PRKN: variants seen among roughly 807,000 people sequenced by gnomAD.
PRKN encodes the protein parkin RBR E3 ubiquitin protein ligase, also known as E3 ubiquitin-protein ligase parkin.
In PRKN, 56 loss-of-function variants were observed where a neutral mutation model predicts 59.5. That is an observed-to-expected ratio of 0.94 (90% CI 0.76 to 1.18). PRKN has a LOEUF of 1.18. Among genes scored for constraint, PRKN ranks in the 50% most tolerant of loss-of-function variants. The pLI is 0.00. For missense variants in PRKN, 657 were observed against 596.4 expected (o/e 1.10, Z -1.06); for synonymous variants, 250 against 222.1 (o/e 1.13, Z -1.12).
At chr6:161,420,973 T>G (rs1223637469) in intron 9 of PRKN, among the ~76,000 whole-genome samples, 1 of 152,168 alleles carries the variant, frequency 6.6e-6, no homozygotes, top group Non-Finnish European at 1.5e-5. Context: ...TCTCTGAAAT[T>G]CCTATTCCTT....
chr6:161,832,714 A>G (rs1792558891), intron 6 of PRKN, among the ~76,000 whole-genome samples: 1 of 151,626 alleles, frequency 6.6e-6, no homozygotes, highest in African/African-American at 2.4e-5. Flanking sequence ...GGTGTCTTAC[A>G]GCCACACAGT....
chr6:162,052,623 C>T (rs1187159260), intron 5 of PRKN, among the ~76,000 whole-genome samples: 1 of 152,128 alleles, frequency 6.6e-6, no homozygotes, highest in African/African-American at 2.4e-5. Context: ...TGACTGACTA[C>T]ATTAAACAAC....
At chr6:161,774,000 ATCAGGCAAACATAAAAT>A (rs1789805031) in intron 7 of PRKN, among the ~76,000 whole-genome samples, 1 of 152,164 alleles carries the variant, frequency 6.6e-6, no homozygotes, top group Admixed American at 6.5e-5. Context: ...ACATGCATGC[ATCAGGCAAACATAAAAT>A]TCTGTTGTCT....
At chr6:162,564,009 G>A (rs2128206861) in intron 1 of PRKN, among the ~76,000 whole-genome samples, 2 of 151,814 alleles carry the variant, frequency 1.3e-5, no homozygotes, top group East Asian at 3.9e-4. Context: ...AATAAATTAT[G>A]CCTTGCCTAC....
intron 7 of PRKN, among the ~76,000 whole-genome samples, chr6:161,625,998 A>G (rs934441525): frequency 1.3e-5 from 2 of 152,232 alleles, no homozygotes; most frequent in Non-Finnish European, 2.9e-5. Context: ...GCTGATTAAA[A>G]GCAGCAGTTT....
chr6:162,201,312 ACT>A, intron 3 of PRKN, 60 bp from the exon 4 acceptor site: 1 of 1,579,470 alleles, frequency 6.3e-7, no homozygotes, highest in Non-Finnish European at 8.7e-7. Context: ...GAGACAAGAA[ACT>A]CTTTAAAAGC....
At chr6:161,876,314 T>C (rs1452178146) in intron 6 of PRKN, among the ~76,000 whole-genome samples, 1 of 152,196 alleles carries the variant, frequency 6.6e-6, no homozygotes, top group Non-Finnish European at 1.5e-5. Context: ...TTACTCATCG[T>C]TACTTTTCTG....
At position 162,039,457 on chromosome 6, in the gene PRKN, C is replaced by T. The variant is rs139313876; in HGVS notation, c.618+14634G>A. On this transcript the variant is annotated intron_variant, in intron 5 of 11. Transcript: ENST00000366898. ...ATTCTCAAGGGAGTGAATGACTTCTCATTGTTGGTTCTCCTGAGAACTGGT... is the reference window on the plus strand; with the variant it reads ...ATTCTCAAGGGAGTGAATGACTTCTTATTGTTGGTTCTCCTGAGAACTGGT... Among the ~76,000 whole-genome samples the T allele has an allele frequency of 4.6e-5, 7 of 152,268 alleles. No individual in the cohort carries two copies. The East Asian group carries it at 1.4e-3, about 30-fold the overall frequency.
chr6:162,615,619 C>T (rs956687260), intron 1 of PRKN, among the ~76,000 whole-genome samples: 1 of 152,176 alleles, frequency 6.6e-6, no homozygotes, highest in African/African-American at 2.4e-5. Flanking sequence ...TTCCCTAAAA[C>T]TGATGTTTAA....
intron 3 of PRKN, among the ~76,000 whole-genome samples, chr6:162,210,786 T>A (rs751797876): frequency 6.6e-6 from 1 of 152,114 alleles, no homozygotes; most frequent in Non-Finnish European, 1.5e-5. Flanking sequence ...AATTACATGA[T>A]CTAGTCCAGT....
At chr6:162,640,911 T>A (rs1443498438) in intron 1 of PRKN, among the ~76,000 whole-genome samples, 1 of 152,116 alleles carries the variant, frequency 6.6e-6, no homozygotes. Flanking sequence ...AGCTCTTGCT[T>A]GATGGTAAGA....
In PRKN at chr6:161,393,065, A is replaced by T. The variant is rs541901360; in HGVS notation, c.1084-6188T>A. 7.9e-5 allele frequency among the ~76,000 whole-genome samples: 12 copies of T among 152,220 alleles called. No individual in the cohort carries two copies. Among genetic ancestry groups the T allele is most frequent in the African/African-American group, 2.9e-4 (12 of 41,486 alleles). ...AGACCCGGAGTCTGAGGCCTCTTGG[A>T]TCATTTATTATCTGTGTGATCCCAA... On this transcript the variant is annotated intron_variant, in intron 9 of 11. Transcript: ENST00000366898. The surrounding 1 kb of genome is among the most constrained non-coding windows in gnomAD (Gnocchi z 4.7).
intron 5 of PRKN, among the ~76,000 whole-genome samples, chr6:162,001,181 T>C (rs1202499555): frequency 6.6e-6 from 1 of 152,040 alleles, no homozygotes; most frequent in Non-Finnish European, 1.5e-5. Flanking sequence ...TATTCACAAG[T>C]TAACATGCTG....
intron 2 of PRKN, among the ~76,000 whole-genome samples, chr6:162,339,151 A>G (rs1396347386): frequency 1.0e-4 from 12 of 118,458 alleles, no homozygotes; most frequent in East Asian, 5.6e-4. Context: ...GCCCCGTCTG[A>G]GAAGTGAGGA....
intron 9 of PRKN, among the ~76,000 whole-genome samples, chr6:161,435,642 C>T (rs1175872056): frequency 1.3e-5 from 2 of 151,798 alleles, no homozygotes; most frequent in African/African-American, 2.4e-5. Context: ...AATCAGGACC[C>T]GCTTATCCAG....
Position 162,441,267 on chromosome 6 carries a change from T to C in PRKN, c.171+2043A>G, listed in dbSNP as rs376053785. 9.9e-5 allele frequency among the ~76,000 whole-genome samples: 15 copies of C among 152,272 alleles called. No homozygotes were observed. In the East Asian group the frequency reaches 1.5e-3, roughly 16 times the overall value. ...TTCTCTAGTTCCCCACCAATGAAAC[T>C]TCAATGCCAAGTTAGTCAAGGTTAT... On this transcript the variant is annotated intron_variant, in intron 2 of 11. Coordinates refer to ENST00000366898, the MANE Select transcript of PRKN (RefSeq NM_004562.3).
chr6:161,855,099 G>GAAAAAAAAAAAAAAAAAAAA (rs1192856013), intron 6 of PRKN, among the ~76,000 whole-genome samples: 1 of 131,088 alleles, frequency 7.6e-6, no homozygotes, highest in Non-Finnish European at 1.6e-5. Flanking sequence ...AAAAAAAAAA[G>GAAAAAAAAAAAAAAAAAAAA]AAAAAAAAAA....
At chr6:162,596,109 A>G (rs986233820) in intron 1 of PRKN, among the ~76,000 whole-genome samples, 1 of 152,180 alleles carries the variant, frequency 6.6e-6, no homozygotes, top group African/African-American at 2.4e-5. Context: ...TAGACATCTC[A>G]AAGCAGGTCA....
At chr6:161,746,726 C>G (rs1287979911) in intron 7 of PRKN, among the ~76,000 whole-genome samples, 3 of 145,652 alleles carry the variant, frequency 2.1e-5, no homozygotes, top group African/African-American at 5.0e-5. Flanking sequence ...ATATATATGT[C>G]TATATCTAGA....
Sources: allele counts gnomAD v4.1 joint callset (sites outside exome capture counted in the v4.1 genomes callset), GRCh38; gene constraint gnomAD v4.1.1; non-coding constraint Gnocchi (gnomAD v3.1); transcripts MANE v1.5; gene names NCBI Gene and HGNC (gene_info 2026-07-23, HGNC 2026-07-21).